Variants in AGAP1 observed in about 807,000 individuals in gnomAD.
The protein encoded by AGAP1 is arf-GAP with GTPase, ANK repeat and PH domain-containing protein 1.
A neutral mutation model predicts 105.3 loss-of-function variants in AGAP1; 29 were observed. That is an observed-to-expected ratio of 0.28 (90% CI 0.21 to 0.38). The LOEUF (loss-of-function observed/expected upper bound fraction) is 0.38, where lower values mean the gene tolerates loss of function less well. Among genes scored for constraint, AGAP1 ranks in the 10% least tolerant of loss-of-function variants. The pLI, the probability that AGAP1 is intolerant of heterozygous loss-of-function variation, is 1.00. For synonymous variants in AGAP1, 509 were observed against 485.9 expected, an observed-to-expected ratio of 1.05 and a Z score of -0.63; for missense variants, 998 against 1,165.1, an observed-to-expected ratio of 0.86 and a Z score of 2.09.
At position 235,704,969 on chromosome 2, in the gene AGAP1, C is replaced by CTTTTTTTTTT. The variant is rs969370505; in HGVS notation, c.164-4192_164-4183dup. On this transcript the variant is annotated intron_variant, in intron 1 of 17. Transcript: ENST00000304032. ...ATTGTAAAATACAAGATGCTTTTTT[C>CTTTTTTTTTT]TTTTTTTTTTTTTTTTTTTTTTTTT... is the stretch of plus-strand genomic sequence containing the variant. Among the ~76,000 whole-genome samples, 40 of 59,730 alleles carry CTTTTTTTTTT rather than the reference C, an allele frequency of 6.7e-4. 6 individuals carry two copies. The highest frequency in any genetic ancestry group is 9.3e-4 in the East Asian group (2 of 2,142). 39.2% of individuals were successfully genotyped at this position (59,730 alleles called of 152,430 possible).
At chr2:235,839,459 AAAGC>A (rs1423430159) in intron 9 of AGAP1, among the ~76,000 whole-genome samples, 3 of 152,178 alleles carry the variant, frequency 2.0e-5, no homozygotes, top group Non-Finnish European at 4.4e-5. Context: ...AAAAAAGCAA[AAAGC>A]AAGCCGGGCA....
intron 9 of AGAP1, among the ~76,000 whole-genome samples, chr2:235,836,285 G>C (rs1423759835): frequency 6.6e-6 from 1 of 152,198 alleles, no homozygotes; most frequent in Non-Finnish European, 1.5e-5. Flanking sequence ...TAAAGGTACA[G>C]CGATCAAAAG....
At position 236,090,049 on chromosome 2, in the gene AGAP1, G is replaced by A. The variant is rs2059019698; in HGVS notation, c.2115-30143G>A. Among the ~76,000 whole-genome samples, 1 of 152,210 alleles carries A rather than the reference G, an allele frequency of 6.6e-6. No individual in the cohort carries two copies. The highest frequency in any genetic ancestry group is 2.4e-5 in the African/African-American group (1 of 41,458). ...CGGATACAGAAGTTTTGAGGTGAGT[G>A]GAGTTGCAGGGAGGAGCACGTGTTT... On this transcript the variant is annotated intron_variant, in intron 16 of 17. Coordinates refer to ENST00000304032, the MANE Select transcript of AGAP1 (RefSeq NM_001037131.3). The surrounding 1 kb of genome is among the most constrained non-coding windows in gnomAD (Gnocchi z 4.3).
At position 236,036,461 on chromosome 2, in the gene AGAP1, A is replaced by G. The variant is rs746507693; in HGVS notation, c.1646-100A>G. 70 of 1,480,314 alleles carry G rather than the reference A, an allele frequency of 4.7e-5. No homozygotes were observed. The highest frequency in any genetic ancestry group is 6.0e-5 in the Non-Finnish European group (66 of 1,091,896). The allele number at this position is 1,480,314 out of a possible 1,614,324, so 91.7% of individuals were successfully genotyped here. A position where few individuals can be genotyped will look rare whatever the true frequency, so the allele number is the denominator to read the frequency against. ...TGCCGTGCGCCTCACCGGTCCATGC[A>G]GGGGCAGCTGAACCCAGAGGCGCTT... On this transcript the variant is annotated intron_variant, in intron 13 of 17. Coordinates refer to ENST00000304032, the MANE Select transcript of AGAP1 (RefSeq NM_001037131.3). The surrounding 1 kb of genome is among the most constrained non-coding windows in gnomAD (Gnocchi z 5.7).
chr2:236,022,044 G>C (rs1281851605), intron 13 of AGAP1, among the ~76,000 whole-genome samples: 3 of 108,006 alleles, frequency 2.8e-5, no homozygotes, highest in Non-Finnish European at 5.0e-5. Flanking sequence ...GGGCGACAGA[G>C]ACCCTGTCTC....
At chr2:236,018,356 G>A (rs1311553672) in intron 13 of AGAP1, among the ~76,000 whole-genome samples, 1 of 152,228 alleles carries the variant, frequency 6.6e-6, no homozygotes, top group Admixed American at 6.5e-5. Context: ...ATGTATTGGA[G>A]AAAGAACAAA....
chr2:235,783,797 C>T (rs1239798147), intron 6 of AGAP1, among the ~76,000 whole-genome samples: 1 of 152,056 alleles, frequency 6.6e-6, no homozygotes, highest in Non-Finnish European at 1.5e-5. Flanking sequence ...TTGGGTTACA[C>T]GGCATCTGTC....
intron 1 of AGAP1, among the ~76,000 whole-genome samples, chr2:235,594,036 ATAAGTT>A (rs921370991): frequency 2.6e-5 from 4 of 152,202 alleles, no homozygotes; most frequent in African/African-American, 9.6e-5. Context: ...GAGAGTATAC[ATAAGTT>A]TAATGAAGAT....
At chr2:235,579,411 C>T (rs1321691399) in intron 1 of AGAP1, among the ~76,000 whole-genome samples, 2 of 152,164 alleles carry the variant, frequency 1.3e-5, no homozygotes, top group African/African-American at 2.4e-5. Context: ...CAGGGGGCGA[C>T]TTGGCTCTTT....
intron 13 of AGAP1, among the ~76,000 whole-genome samples, chr2:235,969,053 C>A (rs538343732): frequency 6.6e-6 from 1 of 152,304 alleles, no homozygotes; most frequent in African/African-American, 2.4e-5. Flanking sequence ...CAGACACCTG[C>A]CTTGATTTCA....
chr2:236,071,108 A>T (rs183181899), intron 16 of AGAP1, among the ~76,000 whole-genome samples: 78 of 152,388 alleles, frequency 5.1e-4, no homozygotes, highest in Non-Finnish European at 4.4e-5. Context: ...TGGAGTGAGA[A>T]GATGGGAACC....
intron 1 of AGAP1, among the ~76,000 whole-genome samples, chr2:235,704,687 C>T (rs1027821463): frequency 2.6e-5 from 4 of 152,196 alleles, no homozygotes; most frequent in Non-Finnish European, 4.4e-5. Context: ...TCCAGAGTCC[C>T]GGCTGATGCT....
At chr2:235,547,509 C>T (rs1943665685) in intron 1 of AGAP1, among the ~76,000 whole-genome samples, 1 of 152,094 alleles carries the variant, frequency 6.6e-6, no homozygotes, top group Non-Finnish European at 1.5e-5. Context: ...CAGACATGCA[C>T]CACCACGCCT....
At chr2:236,077,399 A>G (rs2125821801) in intron 16 of AGAP1, among the ~76,000 whole-genome samples, 1 of 150,816 alleles carries the variant, frequency 6.6e-6, no homozygotes, top group African/African-American at 2.4e-5. Context: ...GCTCACTGCA[A>G]CCTCCGCCTC....
chr2:235,603,333 T>C (rs1945802539), intron 1 of AGAP1, among the ~76,000 whole-genome samples: 1 of 152,224 alleles, frequency 6.6e-6, no homozygotes, highest in Non-Finnish European at 1.5e-5. Context: ...GTTTATAAAT[T>C]ACCCAGCCTA....
At chr2:235,935,625 T>C (rs993155001) in intron 12 of AGAP1, among the ~76,000 whole-genome samples, 6 of 152,290 alleles carry the variant, frequency 3.9e-5, no homozygotes, top group African/African-American at 1.4e-4. Context: ...CTTATAATCC[T>C]GGGTGAAAGA....
intron 1 of AGAP1, among the ~76,000 whole-genome samples, chr2:235,604,468 C>T (rs916512898): frequency 1.8e-4 from 24 of 134,920 alleles, no homozygotes; most frequent in African/African-American, 5.9e-4. Context: ...GGCAACAGAG[C>T]GAGACCCTGT....
At position 235,712,706 on chromosome 2, in the gene AGAP1, C is replaced by G. The variant is rs1950914261; in HGVS notation, c.222+3469C>G. Reference sequence around the variant, plus strand: ...TTCATGTGCCTGCACAGACGGTGACCCCTGCACAGAGGTTGACAGTGGCAA... The same window carrying G: ...TTCATGTGCCTGCACAGACGGTGACGCCTGCACAGAGGTTGACAGTGGCAA... On this transcript the variant is annotated intron_variant, in intron 2 of 17. Transcript: ENST00000304032. This position sits in a 1 kb window ranked among gnomAD's most constrained non-coding sequence, Gnocchi z 6.0. Among the ~76,000 whole-genome samples the G allele has an allele frequency of 6.6e-6, 1 of 152,038 alleles. No homozygotes were observed. The highest frequency in any genetic ancestry group is 2.4e-5 in the African/African-American group (1 of 41,294).
In AGAP1 at chr2:235,810,278, G is replaced by A. The variant is rs148157035; in HGVS notation, c.1050+2947G>A. ...CATTCCCATCCTTACCGTGTTTGCC[G>A]CAAACATGTTCTCTGCTCTTGTCAC... On this transcript the variant is annotated intron_variant, in intron 9 of 17. Transcript: ENST00000304032. Among the ~76,000 whole-genome samples the A allele has an allele frequency of 1.8e-3, 279 of 152,266 alleles. 1 individual carries two copies. Among genetic ancestry groups the A allele is most frequent in the Middle Eastern group, 6.8e-3 (2 of 294 alleles).
Sources: allele counts gnomAD v4.1 joint callset (sites outside exome capture counted in the v4.1 genomes callset), GRCh38; gene constraint gnomAD v4.1.1; non-coding constraint Gnocchi (gnomAD v3.1); transcripts MANE v1.5; gene names NCBI Gene and HGNC (gene_info 2026-07-23, HGNC 2026-07-21).